The following RSPH14 variants were observed in gnomAD, a reference collection of about 807,000 sequenced individuals.
RSPH14 encodes the protein radial spoke head 14 homolog.
A neutral mutation model predicts 26.7 loss-of-function variants in RSPH14; 20 were observed. The ratio of observed to expected loss-of-function variants is 0.75; its 90% CI spans 0.53 to 1.09. The LOEUF is 1.09. RSPH14 is among the 50% of genes least tolerant of loss of function. The probability of loss-of-function intolerance (pLI) is 0.00; values close to 1 mark genes in which losing one functional copy is unlikely to be tolerated. For missense variants in RSPH14, 449 were observed against 457.2 expected, an observed-to-expected ratio of 0.98 and a Z score of 0.16; for synonymous variants, 177 against 189.3, an observed-to-expected ratio of 0.93 and a Z score of 0.53.
At chr22:23,084,518 G>A (rs1016224469) in intron 4 of RSPH14, among the ~76,000 whole-genome samples, 23 of 152,226 alleles carry the variant, frequency 1.5e-4, no homozygotes, top group Non-Finnish European at 2.9e-5. Context: ...TGTAGGTGTT[G>A]TATCAAAAGC....
chr22:23,167,899 C>G, the RSPH14 span, among the ~76,000 whole-genome samples: 1 of 152,014 alleles, frequency 6.6e-6, no homozygotes, highest in African/African-American at 2.4e-5. Flanking sequence ...GTTACCCAGG[C>G]TGGAGTGCAA....
At position 23,095,962 on chromosome 22, in the gene RSPH14, C is replaced by T. The variant is rs147146353; in HGVS notation, c.422-31829G>A. ...TGACCCGCATCATCCGGGCCCTGGC[C>T]GCCCTCAGGATCGACTTCCACAACC... On this transcript the variant is annotated intron_variant, in intron 4 of 6. Coordinates refer to ENST00000216036, the MANE Select transcript of RSPH14 (RefSeq NM_014433.3). 27 of 1,611,916 alleles carry T rather than the reference C, an allele frequency of 1.7e-5. No individual in the cohort carries two copies. The African/African-American group carries it at 2.1e-4, about 13-fold the overall frequency.
At chr22:23,173,622 G>GTTTTTTTTTTTTTTTTTTTTT in the RSPH14 span, among the ~76,000 whole-genome samples, 2 of 112,290 alleles carry the variant, frequency 1.8e-5, 1 homozygote. Flanking sequence ...TTTATTTTTG[G>GTTTTTTTTTTTTTTTTTTTTT]TTTTTTGTTT....
At chr22:23,078,213 G>T (rs1224155843) in intron 4 of RSPH14, among the ~76,000 whole-genome samples, 2 of 152,266 alleles carry the variant, frequency 1.3e-5, no homozygotes, top group Admixed American at 1.3e-4. Flanking sequence ...TCGATGAAAT[G>T]CTGGGAAGAA....
At chr22:23,154,132 CT>C in the RSPH14 span, among the ~76,000 whole-genome samples, 2 of 152,066 alleles carry the variant, frequency 1.3e-5, no homozygotes, top group Non-Finnish European at 2.9e-5. Flanking sequence ...AGCTGGGTAG[CT>C]TCCCTCTGCC....
chr22:23,158,752 C>T, the RSPH14 span: 59 of 705,950 alleles, frequency 8.4e-5, 1 homozygote, highest in Non-Finnish European at 1.3e-4. Flanking sequence ...GGTGCAGCAT[C>T]CTGCTCAGCC....
intron 4 of RSPH14, among the ~76,000 whole-genome samples, chr22:23,072,893 G>C (rs1357400406): frequency 6.6e-6 from 1 of 152,200 alleles, no homozygotes; most frequent in African/African-American, 2.4e-5. Flanking sequence ...GTCTCAGTCT[G>C]GCCCTCAGGA....
the RSPH14 span, among the ~76,000 whole-genome samples, chr22:23,154,652 T>C: frequency 2.0e-5 from 3 of 152,224 alleles, no homozygotes; most frequent in Non-Finnish European, 1.5e-5. Flanking sequence ...ACAGGGACAC[T>C]GTCCTGGCTC....
the RSPH14 span, chr22:23,150,100 A>G: frequency 1.2e-6 from 2 of 1,612,524 alleles, no homozygotes; most frequent in Non-Finnish European, 8.5e-7. Flanking sequence ...CTCAGGGAGC[A>G]CTTCCACGGG....
chr22:23,127,080 C>T (rs916583), intron 4 of RSPH14, among the ~76,000 whole-genome samples: 77,941 of 152,004 alleles, frequency 0.51, 20,276 homozygotes, highest in Middle Eastern at 0.58. Context: ...ACCTGAGGGG[C>T]TTTACTCTGT....
chr22:23,072,098 G>T (rs2068395125), intron 4 of RSPH14, among the ~76,000 whole-genome samples: 3 of 152,088 alleles, frequency 2.0e-5, no homozygotes, highest in South Asian at 2.1e-4. Context: ...ACTGGGGAAG[G>T]CTCCTTGCAG....
intron 3 of RSPH14, chr22:23,136,124 C>T (rs2070477968): frequency 3.2e-6 from 2 of 615,564 alleles, no homozygotes; most frequent in Admixed American, 2.7e-5. Flanking sequence ...CGTGTCTAGT[C>T]ACCCACTCCA....
At position 23,059,660 on chromosome 22, in the gene RSPH14, G is replaced by A; in HGVS notation, c.849C>T (p.Ser283=). 6.3e-7 allele frequency: 1 copy of A among 1,588,056 alleles called. No homozygotes were observed. The highest frequency in any genetic ancestry group is 8.6e-7 in the Non-Finnish European group (1 of 1,165,752). The change falls in exon 7 of 7, where the codon TCC becomes TCT. Residue 283 remains serine, a synonymous_variant. Transcript: ENST00000216036. ...CATTCAGGCGCGCTATGGTCATGGG[G>A]GAGTGCAGCAGCTCCAGGAGCAGGC... The part of the protein sequence containing the change: ...AIGLLLELLH[S]PMTIARLNAT...
intron 4 of RSPH14, among the ~76,000 whole-genome samples, chr22:23,100,739 G>A (rs1002454565): frequency 7.2e-5 from 11 of 152,210 alleles, no homozygotes; most frequent in African/African-American, 2.7e-4. Flanking sequence ...GGCGGGAGGC[G>A]GTAGGCTTGG....
intron 4 of RSPH14, among the ~76,000 whole-genome samples, chr22:23,117,810 A>G: frequency 6.6e-6 from 1 of 152,370 alleles, no homozygotes; most frequent in East Asian, 1.9e-4. Context: ...CCCTGTGTTC[A>G]TGGCCAGGGA....
chr22:23,170,824 CATATATAT>C, the RSPH14 span, among the ~76,000 whole-genome samples: 130 of 150,304 alleles, frequency 8.6e-4, no homozygotes, highest in East Asian at 6.6e-3. Context: ...GTTAGAATTT[CATATATAT>C]ATATATATAT....
chr22:23,148,471 C>T (rs949599784), upstream of RSPH14, among the ~76,000 whole-genome samples: 2 of 152,186 alleles, frequency 1.3e-5, no homozygotes, highest in African/African-American at 4.8e-5. Flanking sequence ...CTCCTGGTAC[C>T]TCTGGGATTT....
At chr22:23,107,661 G>A (rs1021184320) in intron 4 of RSPH14, among the ~76,000 whole-genome samples, 6 of 152,154 alleles carry the variant, frequency 3.9e-5, no homozygotes, top group Non-Finnish European at 7.4e-5. Flanking sequence ...AAGAAGCACC[G>A]GAACCCACCA....
At chr22:23,094,973 ATGGGGGC>A (rs2069081479) in intron 4 of RSPH14, among the ~76,000 whole-genome samples, 1 of 152,204 alleles carries the variant, frequency 6.6e-6, no homozygotes, top group African/African-American at 2.4e-5. Flanking sequence ...TGAGTCCAGC[ATGGGGGC>A]TGGGTGGGCA....
Sources: gnomAD v4.1 joint callset for allele counts (sites outside exome capture counted in the v4.1 genomes callset) on GRCh38, gnomAD v4.1.1 for gene constraint, MANE v1.5 for transcripts, NCBI Gene and HGNC (gene_info 2026-07-23, HGNC 2026-07-21) for gene names.